NAA25: variants seen among roughly 807,000 people sequenced by gnomAD.
NAA25 encodes N-terminal acetyltransferase B complex subunit NAA25.
Under a neutral mutation model 132.5 loss-of-function variants are expected in NAA25, and 30 were observed. The ratio of observed to expected loss-of-function variants is 0.23; its 90% CI spans 0.17 to 0.31. The LOEUF (loss-of-function observed/expected upper bound fraction) is 0.31. Ranked by LOEUF, NAA25 falls within the 10% of genes least tolerant of loss-of-function variation. NAA25 has a pLI of 1.00. For missense variants in NAA25, 771 were observed against 1,150.4 expected (o/e 0.67, Z 4.77); for synonymous variants, 359 against 401.9 (o/e 0.89, Z 1.28).
intron 8 of NAA25, 38 bp downstream of exon 8, chr12:112,075,640 A>G (rs1227061231): frequency 6.5e-7 from 1 of 1,535,698 alleles, no homozygotes; most frequent in South Asian, 1.1e-5. Flanking sequence ...TTAAAGCCTC[A>G]CTACAGTCAA....
In NAA25 at chr12:112,049,544, T is replaced by C; in HGVS notation, c.1729-1101A>G. 5.1e-6 allele frequency: 5 copies of C among 985,884 alleles called. No individual in the cohort carries two copies. Among genetic ancestry groups the C allele is most frequent in the Non-Finnish European group, 6.0e-6 (5 of 829,952 alleles). The allele number at this position is 985,884 out of a possible 1,614,324, so 61.1% of individuals were successfully genotyped here. On this transcript the variant is annotated intron_variant, in intron 15 of 23. Coordinates refer to ENST00000261745, the MANE Select transcript of NAA25 (RefSeq NM_024953.4). The surrounding 1 kb of genome is among the most constrained non-coding windows in gnomAD (Gnocchi z 4.7). ...CGCGGGATTGCGCCACGGGCGCTAA[T>C]TCAACTGCATTCGATGCGGCTTTTA...
intron 1 of NAA25, among the ~76,000 whole-genome samples, chr12:112,094,362 G>T (rs1461444984): frequency 6.6e-6 from 1 of 151,444 alleles, no homozygotes; most frequent in African/African-American, 2.4e-5. Context: ...ATATTTAGAT[G>T]AGATGACATT....
intron 11 of NAA25, among the ~76,000 whole-genome samples, chr12:112,062,756 T>G (rs557700039): frequency 1.3e-5 from 2 of 148,914 alleles, no homozygotes; most frequent in East Asian, 4.0e-4. Context: ...TCCACACAGA[T>G]CAAGAATATG....
intron 1 of NAA25, among the ~76,000 whole-genome samples, chr12:112,101,417 T>C (rs1217992070): frequency 1.3e-5 from 2 of 151,780 alleles, no homozygotes; most frequent in African/African-American, 2.4e-5. Flanking sequence ...ACAAATTGTA[T>C]GGGGGAAAAA....
chr12:112,087,518 T>C (rs754248790), intron 4 of NAA25, among the ~76,000 whole-genome samples, 165 bp downstream of exon 4: 2 of 152,180 alleles, frequency 1.3e-5, no homozygotes, highest in Non-Finnish European at 2.9e-5. Context: ...TGAATAATAG[T>C]TCAACTTTAA....
At chr12:112,103,298 C>T (rs1479210940) in intron 1 of NAA25, among the ~76,000 whole-genome samples, 1 of 152,048 alleles carries the variant, frequency 6.6e-6, no homozygotes, top group Non-Finnish European at 1.5e-5. Flanking sequence ...AACCACTGTG[C>T]CCAGCTTTGT....
chr12:112,043,499 C>T, intron 18 of NAA25, 126 bp downstream of exon 18: 2 of 1,114,172 alleles, frequency 1.8e-6, no homozygotes, highest in South Asian at 3.1e-5. Flanking sequence ...ATTCCTCTTT[C>T]TCCTGCAGAA....
chr12:112,102,801 C>T (rs1004831058), intron 1 of NAA25, among the ~76,000 whole-genome samples: 6 of 151,594 alleles, frequency 4.0e-5, no homozygotes, highest in Non-Finnish European at 2.9e-5. Flanking sequence ...ATTCTCTTGC[C>T]TCAGCCTTCT....
intron 18 of NAA25, 28 bp from the exon 19 acceptor site, chr12:112,043,239 C>T: frequency 6.4e-7 from 1 of 1,558,318 alleles, no homozygotes; most frequent in Non-Finnish European, 8.7e-7. Context: ...AAATAATGCT[C>T]TTTTAAATCC....
chr12:112,068,853 CA>C (rs1466676747), intron 11 of NAA25, 26 bp downstream of exon 11: 2 of 1,342,860 alleles, frequency 1.5e-6, no homozygotes, highest in South Asian at 2.6e-5. Context: ...AGGCACCCAA[CA>C]AACTTCTAAA....
chr12:112,037,836 C>A (rs1050380107), intron 22 of NAA25: 1 of 151,368 alleles, frequency 6.6e-6, no homozygotes, highest in Non-Finnish European at 1.5e-5. Flanking sequence ...GGACATTCTA[C>A]CAAAAAGCAA....
intron 11 of NAA25, among the ~76,000 whole-genome samples, chr12:112,064,795 G>C (rs2078689984): frequency 6.6e-6 from 1 of 152,182 alleles, no homozygotes; most frequent in Non-Finnish European, 1.5e-5. Flanking sequence ...AGCACTTTGG[G>C]AGGCCGAGGC....
At chr12:112,033,501 A>G in intron 22 of NAA25, 122 bp from the exon 23 acceptor site, 2 of 836,350 alleles carry the variant, frequency 2.4e-6, no homozygotes, top group Non-Finnish European at 3.5e-6. Context: ...AGTGGTTTCA[A>G]GTGAATGAAT....
chr12:112,090,875 C>A lies in NAA25; in HGVS notation c.145-11G>T. 1.3e-6 allele frequency: 2 copies of A among 1,580,944 alleles called. No individual in the cohort carries two copies. Among genetic ancestry groups the A allele is most frequent in the Admixed American group, 2.0e-5 (1 of 50,002 alleles). On this transcript the variant is annotated splice_polypyrimidine_tract_variant and intron_variant, in intron 2 of 23. Transcript: ENST00000261745. ...AATTGCCTTTAAAACCTGATAGCAA[C>A]AAAAGAAAAATCAGTTTTTAAAAAG...
chr12:112,027,070 G>C lies in NAA25; in HGVS notation c.*2461C>G, dbSNP rs2078095707. On this transcript the variant is annotated 3_prime_UTR_variant, in exon 24 of 24. Coordinates refer to ENST00000261745, the MANE Select transcript of NAA25 (RefSeq NM_024953.4). The stretch of plus-strand genomic sequence containing the variant: ...TGATTTAAACCAAATGTTTGCTTTG[G>C]AGAGTCTTAACTTAGGATCTCAGTA... 1 of 152,486 alleles carries C rather than the reference G, an allele frequency of 6.6e-6. No individual in the cohort carries two copies. The highest frequency in any genetic ancestry group is 2.4e-5 in the African/African-American group (1 of 41,418). 9.4% of individuals were successfully genotyped at this position (152,486 alleles called of 1,614,324 possible).
In NAA25 at chr12:112,071,919, C is replaced by G; in HGVS notation, c.1012G>C (p.Gly338Arg). ...LELIRRLRSQ[G>R]CNDEYKLGDP... The stretch of plus-strand genomic sequence containing the variant: ...CCCAGTTTGTACTCATCGTTACAAC[C>G]TTGACTTCGTAAACGCCTAATCAGC... Residue 338 changes from glycine (G) to arginine (R), a missense_variant, in exon 10 of 24, where the codon GGT becomes CGT. This residue lies in a region of NAA25 where 417 missense variants were observed against 733.8 expected (regional missense o/e 0.57). Transcript: ENST00000261745. 1 of 1,613,406 alleles carries G rather than the reference C, an allele frequency of 6.2e-7. No homozygotes were observed. The highest frequency in any genetic ancestry group is 8.5e-7 in the Non-Finnish European group (1 of 1,179,832).
At chr12:112,038,868 A>G (rs1235225437) in intron 22 of NAA25, among the ~76,000 whole-genome samples, 1 of 152,094 alleles carries the variant, frequency 6.6e-6, no homozygotes, top group African/African-American at 2.4e-5. Flanking sequence ...AATCCCAGCT[A>G]CTCGGGAAGC....
intron 15 of NAA25, among the ~76,000 whole-genome samples, chr12:112,051,210 C>A (rs1340576438): frequency 6.6e-6 from 1 of 152,078 alleles, no homozygotes; most frequent in Admixed American, 6.6e-5. Context: ...CCTAGCTGTA[C>A]CATATTTTTC....
intron 11 of NAA25, among the ~76,000 whole-genome samples, chr12:112,062,424 A>G (rs376432747): frequency 1.3e-5 from 2 of 151,364 alleles, no homozygotes; most frequent in South Asian, 2.1e-4. Flanking sequence ...AAAAGTTATA[A>G]AAGAAAAAAT....
Sources: gnomAD v4.1 joint callset for allele counts (sites outside exome capture counted in the v4.1 genomes callset) on GRCh38, gnomAD v4.1.1 for gene constraint, gnomAD v4.1.1 regional missense constraint, Gnocchi (gnomAD v3.1) non-coding constraint, MANE v1.5 for transcripts, NCBI Gene and HGNC (gene_info 2026-07-23, HGNC 2026-07-21) for gene names.